Variants in MMRN1 observed in about 807,000 individuals in gnomAD.
MMRN1 encodes multimerin 1.
Under a neutral mutation model 100.7 loss-of-function variants are expected in MMRN1, and 94 were observed. The observed-to-expected ratio is 0.93, with a 90% CI of 0.79 to 1.11. MMRN1 has a LOEUF of 1.11. Among genes scored for constraint, MMRN1 ranks in the 50% least tolerant of loss-of-function variants. The probability of loss-of-function intolerance (pLI) is 0.00; values close to 1 mark genes in which losing one functional copy is unlikely to be tolerated. For missense variants in MMRN1, 1,606 were observed against 1,439.1 expected, an observed-to-expected ratio of 1.12 and a Z score of -1.88; for synonymous variants, 575 against 505.0, an observed-to-expected ratio of 1.14 and a Z score of -1.86.
intron 1 of MMRN1, among the ~76,000 whole-genome samples, chr4:89,882,932 C>G (rs1396542235): frequency 2.0e-5 from 3 of 151,948 alleles, no homozygotes; most frequent in Admixed American, 2.0e-4. Context: ...CCTCTCCTCC[C>G]CAGAAGAAAC....
chr4:89,925,347 CAT>C (rs1284323698), intron 4 of MMRN1, among the ~76,000 whole-genome samples: 1 of 132,606 alleles, frequency 7.5e-6, no homozygotes, highest in Non-Finnish European at 1.6e-5. Context: ...GAGGTTTAGC[CAT>C]GTTGCCCAGG....
Position 89,909,528 on chromosome 4 carries a change from G to T in MMRN1, c.743+133G>T, listed in dbSNP as rs1214775597. 3.4e-6 allele frequency: 4 copies of T among 1,163,462 alleles called. No individual in the cohort carries two copies. In the East Asian group the frequency reaches 1.1e-4, roughly 31 times the overall value. 72.1% of individuals were successfully genotyped at this position (1,163,462 alleles called of 1,614,324 possible). ...GGGATGGTAGTCACATTATGCTTTAGTAAGTGAAAATGCAGACACTAATAA... is the reference window on the plus strand; with the variant it reads ...GGGATGGTAGTCACATTATGCTTTATTAAGTGAAAATGCAGACACTAATAA... On this transcript the variant is annotated intron_variant, in intron 2 of 7. Transcript: ENST00000264790.
chr4:89,929,151 C>T (rs531674292), intron 5 of MMRN1, among the ~76,000 whole-genome samples: 4 of 152,002 alleles, frequency 2.6e-5, no homozygotes, highest in Admixed American at 6.6e-5. Context: ...GCGTCCCAGT[C>T]GGGTTTATTG....
intron 1 of MMRN1, chr4:89,901,988 T>G (rs566708830): frequency 6.6e-6 from 1 of 152,086 alleles, no homozygotes; most frequent in South Asian, 2.1e-4. Flanking sequence ...ACGGCATCCG[T>G]TAGCCTGCCT....
At chr4:89,898,447 C>T (rs1387652292) in intron 1 of MMRN1, among the ~76,000 whole-genome samples, 3 of 151,974 alleles carry the variant, frequency 2.0e-5, no homozygotes, top group Non-Finnish European at 4.4e-5. Context: ...ATTACACTCC[C>T]TTGGCAGGTA....
At chr4:89,923,070 C>A in intron 3 of MMRN1, 98 bp from the exon 4 acceptor site, 2 of 961,530 alleles carry the variant, frequency 2.1e-6, no homozygotes, top group Non-Finnish European at 3.3e-6. Flanking sequence ...CTTCAGTACG[C>A]GGGAAAATGA....
At chr4:89,888,037 C>T (rs1414338787) in intron 1 of MMRN1, among the ~76,000 whole-genome samples, 1 of 151,838 alleles carries the variant, frequency 6.6e-6, no homozygotes, top group Non-Finnish European at 1.5e-5. Context: ...ACATATTCAT[C>T]TTTTTTGACT....
intron 1 of MMRN1, among the ~76,000 whole-genome samples, chr4:89,882,853 A>G (rs1676664932): frequency 6.6e-6 from 1 of 151,956 alleles, no homozygotes; most frequent in African/African-American, 2.4e-5. Context: ...CTACAACCGA[A>G]AGCAAGATGT....
chr4:89,908,237 C>CTGCAT (rs1267924504), intron 1 of MMRN1, among the ~76,000 whole-genome samples: 1 of 151,362 alleles, frequency 6.6e-6, no homozygotes, highest in Non-Finnish European at 1.5e-5. Flanking sequence ...AATCATATCA[C>CTGCAT]TGCATTGTCT....
intron 3 of MMRN1, among the ~76,000 whole-genome samples, chr4:89,921,118 C>T (rs1031106776): frequency 1.1e-4 from 16 of 152,092 alleles, no homozygotes; most frequent in African/African-American, 2.7e-4. Flanking sequence ...AAAGTATCCA[C>T]AGCCTACTGA....
intron 6 of MMRN1, among the ~76,000 whole-genome samples, chr4:89,948,640 A>G (rs1451044501): frequency 2.6e-5 from 4 of 152,196 alleles, no homozygotes; most frequent in Admixed American, 6.5e-5. Context: ...AGCAATTGCT[A>G]CCATAACCTA....
upstream of MMRN1, among the ~76,000 whole-genome samples, chr4:89,891,569 C>G (rs1221379746): frequency 2.6e-5 from 4 of 152,066 alleles, no homozygotes; most frequent in Non-Finnish European, 4.4e-5. Context: ...ATTTAACTTA[C>G]CTAGCACATC....
chr4:89,915,434 G>A (rs938679867), intron 3 of MMRN1, among the ~76,000 whole-genome samples: 1 of 151,524 alleles, frequency 6.6e-6, no homozygotes, highest in Non-Finnish European at 1.5e-5. Context: ...GATATTGAGG[G>A]ATCAGCTGGA....
At chr4:89,885,836 C>A (rs1031678646) in intron 1 of MMRN1, among the ~76,000 whole-genome samples, 1 of 151,910 alleles carries the variant, frequency 6.6e-6, no homozygotes, top group African/African-American at 2.4e-5. Flanking sequence ...TACAAAAAAT[C>A]AACTCCAAAA....
At chr4:89,920,871 G>T (rs1009991614) in intron 3 of MMRN1, among the ~76,000 whole-genome samples, 1 of 151,570 alleles carries the variant, frequency 6.6e-6, no homozygotes, top group African/African-American at 2.4e-5. Flanking sequence ...TAGAGCTACT[G>T]AATGAGAATC....
In MMRN1 at chr4:89,912,001, G is replaced by A. The variant is rs777997762; in HGVS notation, c.801G>A (p.Leu267=). The change falls in exon 3 of 8, where the codon TTG becomes TTA. Residue 267 remains leucine (L), a synonymous_variant. Coordinates refer to ENST00000264790, the MANE Select transcript of MMRN1 (RefSeq NM_007351.3). ...YRMQHKIVTS[L]DWRCCPGYSG... ...TGCAACATAAAATTGTCACCTCATT[G>A]GATTGGAGGTGCTGTCCTGGATACA... 6 of 1,603,728 alleles carry A rather than the reference G, an allele frequency of 3.7e-6. No individual in the cohort carries two copies. Among genetic ancestry groups the A allele is most frequent in the Non-Finnish European group, 5.1e-6 (6 of 1,174,106 alleles).
At chr4:89,933,356 C>G (rs552847184) in intron 5 of MMRN1, among the ~76,000 whole-genome samples, 7 of 152,190 alleles carry the variant, frequency 4.6e-5, no homozygotes, top group Non-Finnish European at 1.0e-4. Context: ...GCCCTCCAAA[C>G]TGTTCCCACC....
At chr4:89,927,577 C>T (rs976780080) in intron 4 of MMRN1, among the ~76,000 whole-genome samples, 1 of 152,062 alleles carries the variant, frequency 6.6e-6, no homozygotes, top group Non-Finnish European at 1.5e-5. Context: ...AATTTGACCC[C>T]TTCCTTTCTA....
intron 1 of MMRN1, among the ~76,000 whole-genome samples, chr4:89,905,361 C>G (rs1244837612): frequency 6.6e-6 from 1 of 151,472 alleles, no homozygotes; most frequent in South Asian, 2.1e-4. Context: ...AAATTATTCT[C>G]TTATGAGGGA....
Sources: allele counts gnomAD v4.1 joint callset (sites outside exome capture counted in the v4.1 genomes callset), GRCh38; gene constraint gnomAD v4.1.1; transcripts MANE v1.5; gene names NCBI Gene and HGNC (gene_info 2026-07-23, HGNC 2026-07-21).